The following NR3C2 variants were observed in gnomAD, a reference collection of about 807,000 sequenced individuals.
NR3C2 encodes the protein nuclear receptor subfamily 3 group C member 2.
NR3C2 carries 15 observed loss-of-function variants against 86.4 expected under a neutral mutation model. That is an observed-to-expected ratio of 0.17 (90% CI 0.12 to 0.27). The LOEUF is 0.27. Among genes scored for constraint, NR3C2 ranks in the 10% least tolerant of loss-of-function variants. NR3C2 has a pLI of 1.00. For synonymous variants in NR3C2, 458 were observed against 450.5 expected (o/e 1.02, Z -0.21); for missense variants, 960 against 1,195.6 (o/e 0.80, Z 2.91).
intron 8 of NR3C2, among the ~76,000 whole-genome samples, chr4:148,091,326 C>T (rs1731050904): frequency 6.6e-6 from 1 of 152,242 alleles, no homozygotes; most frequent in African/African-American, 2.4e-5. Context: ...CTTCCCCCAA[C>T]CCTGGCCTGC....
intron 6 of NR3C2, among the ~76,000 whole-genome samples, chr4:148,121,115 A>G (rs1472614939): frequency 6.6e-6 from 1 of 152,228 alleles, no homozygotes; most frequent in African/African-American, 2.4e-5. Context: ...ACCAGACCGT[A>G]AAAAGTGAAA....
chr4:148,444,725 G>C, upstream of NR3C2: 1 of 985,242 alleles, frequency 1.0e-6, no homozygotes, highest in Non-Finnish European at 1.2e-6. Flanking sequence ...AAGAGGCGGC[G>C]AGGCAGCGGC....
At chr4:148,400,734 ATGCCAC>A (rs948515474) in intron 2 of NR3C2, among the ~76,000 whole-genome samples, 1 of 143,466 alleles carries the variant, frequency 7.0e-6, no homozygotes, top group African/African-American at 2.6e-5. Flanking sequence ...GCTGAGATCC[ATGCCAC>A]TGCACTCCAG....
chr4:148,162,503 C>G (rs1734706031), intron 4 of NR3C2, among the ~76,000 whole-genome samples: 2 of 152,070 alleles, frequency 1.3e-5, no homozygotes, highest in South Asian at 4.1e-4. Flanking sequence ...AGGCTGGGGA[C>G]CTCACTAGAC....
intron 2 of NR3C2, among the ~76,000 whole-genome samples, chr4:148,349,473 G>C (rs61761523): frequency 2.0e-5 from 3 of 152,040 alleles, no homozygotes; most frequent in African/African-American, 7.2e-5. Context: ...TAAAAGAAAA[G>C]AAATTGTACT....
At chr4:148,349,191 C>T (rs1745147967) in intron 2 of NR3C2, among the ~76,000 whole-genome samples, 1 of 152,126 alleles carries the variant, frequency 6.6e-6, no homozygotes, top group African/African-American at 2.4e-5. Context: ...ACAGATAAAA[C>T]AATGGTTTCA....
At chr4:148,213,009 T>A (rs1260725165) in intron 3 of NR3C2, among the ~76,000 whole-genome samples, 1 of 152,120 alleles carries the variant, frequency 6.6e-6, no homozygotes, top group Non-Finnish European at 1.5e-5. Flanking sequence ...AAGAAATTAA[T>A]GAGGGAAGGA....
At chr4:148,243,157 A>G (rs938345741) in intron 3 of NR3C2, among the ~76,000 whole-genome samples, 11 of 151,758 alleles carry the variant, frequency 7.2e-5, no homozygotes, top group Admixed American at 3.3e-4. Flanking sequence ...CAGCTTCCTG[A>G]GTAGCTAGGA....
At chr4:148,223,206 G>A (rs1009077848) in intron 3 of NR3C2, among the ~76,000 whole-genome samples, 9 of 152,040 alleles carry the variant, frequency 5.9e-5, no homozygotes, top group East Asian at 1.9e-4. Flanking sequence ...AGCAAGCTCC[G>A]AATATTCCTC....
At chr4:148,145,776 C>G (rs905997837) in intron 6 of NR3C2, among the ~76,000 whole-genome samples, 4 of 152,038 alleles carry the variant, frequency 2.6e-5, no homozygotes, top group Non-Finnish European at 4.4e-5. Context: ...AAAAATAAGG[C>G]ACGGAAGGAA....
chr4:148,161,172 A>C (rs1230580046), intron 4 of NR3C2, among the ~76,000 whole-genome samples: 24 of 151,428 alleles, frequency 1.6e-4, no homozygotes, highest in Non-Finnish European at 2.9e-5. Context: ...GTGGTTAAGA[A>C]AGTTGAATAC....
At chr4:148,311,643 T>C (rs1163865478) in intron 2 of NR3C2, among the ~76,000 whole-genome samples, 1 of 152,180 alleles carries the variant, frequency 6.6e-6, no homozygotes, top group African/African-American at 2.4e-5. Flanking sequence ...TCTTGAGACA[T>C]ATGAGTCAGA....
At chr4:148,252,229 T>A (rs1473928589) in intron 3 of NR3C2, among the ~76,000 whole-genome samples, 1 of 152,204 alleles carries the variant, frequency 6.6e-6, no homozygotes, top group East Asian at 1.9e-4. Flanking sequence ...ACTTATTATT[T>A]TTAAAAATTA....
chr4:148,265,397 A>T (rs1054728516), intron 2 of NR3C2, among the ~76,000 whole-genome samples: 1 of 152,174 alleles, frequency 6.6e-6, no homozygotes, highest in African/African-American at 2.4e-5. Context: ...TAAGAAAAAA[A>T]ATGATTTTTT....
intron 2 of NR3C2, among the ~76,000 whole-genome samples, chr4:148,355,845 C>T (rs575327238): frequency 7.2e-5 from 11 of 152,186 alleles, no homozygotes; most frequent in South Asian, 4.1e-4. Context: ...AGCAAAGTTT[C>T]GGTTTTGTAG....
At chr4:148,240,110 G>T (rs955427402) in intron 3 of NR3C2, among the ~76,000 whole-genome samples, 3 of 151,750 alleles carry the variant, frequency 2.0e-5, no homozygotes, top group Non-Finnish European at 4.4e-5. Context: ...ATTAACTTTA[G>T]TAGTATATTT....
At chr4:148,135,734 A>C (rs768661816) in intron 6 of NR3C2, among the ~76,000 whole-genome samples, 30 of 152,244 alleles carry the variant, frequency 2.0e-4, no homozygotes, top group South Asian at 8.3e-4. Context: ...CAAAGAAAAG[A>C]GCACAGAAGT....
At chr4:148,119,708 C>A (rs1315331757) in intron 7 of NR3C2, among the ~76,000 whole-genome samples, 1 of 151,690 alleles carries the variant, frequency 6.6e-6, no homozygotes, top group Admixed American at 6.6e-5. Context: ...ATCGCTTGAA[C>A]CTGGGAGGTG....
intron 2 of NR3C2, among the ~76,000 whole-genome samples, chr4:148,318,509 C>T (rs1743348066): frequency 6.6e-6 from 1 of 150,550 alleles, no homozygotes; most frequent in Non-Finnish European, 1.5e-5. Context: ...AAAAGTGTTC[C>T]TATTTCTCCA....
Sources: allele counts gnomAD v4.1 joint callset (sites outside exome capture counted in the v4.1 genomes callset), GRCh38; gene constraint gnomAD v4.1.1; transcripts MANE v1.5; gene names NCBI Gene and HGNC (gene_info 2026-07-23, HGNC 2026-07-21).